Variants in POU6F2 observed in about 807,000 individuals in gnomAD.
POU6F2 encodes the protein POU class 6 homeobox 2.
In POU6F2, 31 loss-of-function variants were observed where a neutral mutation model predicts 71.3. The observed-to-expected ratio is 0.43, with a 90% confidence interval of 0.33 to 0.59. The LOEUF (loss-of-function observed/expected upper bound fraction) is 0.59. Ranked by LOEUF, POU6F2 falls within the 20% of genes least tolerant of loss-of-function variation. The pLI is 0.04. For synonymous variants in POU6F2, 347 were observed against 355.7 expected, an observed-to-expected ratio of 0.98 and a Z score of 0.27; for missense variants, 783 against 856.8, an observed-to-expected ratio of 0.91 and a Z score of 1.07.
At chr7:39,004,053 T>C (rs1372155327) in intron 1 of POU6F2, among the ~76,000 whole-genome samples, 1 of 152,164 alleles carries the variant, frequency 6.6e-6, no homozygotes, top group Non-Finnish European at 1.5e-5. Flanking sequence ...TAAACGTTTA[T>C]ATATATTTTT....
intron 4 of POU6F2, among the ~76,000 whole-genome samples, chr7:39,249,096 A>G (rs1783871098): frequency 6.6e-6 from 1 of 152,156 alleles, no homozygotes; most frequent in African/African-American, 2.4e-5. Context: ...ATGCCTCCTG[A>G]CATCTAGGCC....
chr7:39,247,943 T>C (rs1455506573), intron 4 of POU6F2, among the ~76,000 whole-genome samples: 1 of 152,216 alleles, frequency 6.6e-6, no homozygotes, highest in East Asian at 1.9e-4. Context: ...AGGTCTTTCC[T>C]GACAATCTGG....
At chr7:39,011,851 C>T (rs1229040693) in intron 1 of POU6F2, among the ~76,000 whole-genome samples, 1 of 149,860 alleles carries the variant, frequency 6.7e-6, no homozygotes, top group Admixed American at 6.6e-5. Flanking sequence ...GAATATTGGC[C>T]CCCACTCTCT....
intron 1 of POU6F2, among the ~76,000 whole-genome samples, chr7:39,010,236 C>T (rs1412556413): frequency 1.5e-5 from 2 of 135,054 alleles, no homozygotes; most frequent in African/African-American, 5.1e-5. Flanking sequence ...TCAACTTCTT[C>T]CTGGTTTAGT....
chr7:39,303,211 C>A (rs976187343), intron 4 of POU6F2, among the ~76,000 whole-genome samples: 1 of 152,098 alleles, frequency 6.6e-6, no homozygotes, highest in Non-Finnish European at 1.5e-5. Flanking sequence ...GGCTGGAGTG[C>A]GGTAGCACTC....
At chr7:39,391,931 A>G (rs1225532769) in intron 5 of POU6F2, among the ~76,000 whole-genome samples, 1 of 152,234 alleles carries the variant, frequency 6.6e-6, no homozygotes, top group Non-Finnish European at 1.5e-5. Context: ...TCCCATTCCC[A>G]GCCCAGAGGT....
chr7:39,344,547 G>A (rs1380905588), intron 5 of POU6F2, among the ~76,000 whole-genome samples: 1 of 152,236 alleles, frequency 6.6e-6, no homozygotes, highest in African/African-American at 2.4e-5. Context: ...CCAAAGCCTT[G>A]GGAAGGAGCT....
In POU6F2 at chr7:39,030,719, G is replaced by A. The variant is rs1397223787; in HGVS notation, c.105+52661G>A. On this transcript the variant is annotated intron_variant, in intron 1 of 9. Coordinates refer to ENST00000518318, the MANE Select transcript of POU6F2 (RefSeq NM_001370959.1). ...TCAACTCTTTGGGGGAAATGCCAAG[G>A]AGTGTGACTGCTGGATCATATGAGA... Among the ~76,000 whole-genome samples the A allele has an allele frequency of 3.3e-5, 5 of 150,596 alleles. No individual in the cohort carries two copies. The East Asian group carries it at 9.8e-4, about 30-fold the overall frequency.
chr7:39,416,967 A>G (rs752002839), intron 6 of POU6F2, among the ~76,000 whole-genome samples: 2 of 152,224 alleles, frequency 1.3e-5, no homozygotes, highest in Non-Finnish European at 2.9e-5. Flanking sequence ...TTTAACAAAA[A>G]GTCAGGGATG....
chr7:39,231,335 G>A (rs555221874), intron 4 of POU6F2, among the ~76,000 whole-genome samples: 1 of 152,188 alleles, frequency 6.6e-6, no homozygotes, highest in African/African-American at 2.4e-5. Flanking sequence ...TTTAAGCAGG[G>A]ATGGAATTAA....
At chr7:39,076,391 G>T (rs1791004021) in intron 1 of POU6F2, among the ~76,000 whole-genome samples, 1 of 152,176 alleles carries the variant, frequency 6.6e-6, no homozygotes. Context: ...CAGCTGTAGG[G>T]TCTAACACCT....
intron 8 of POU6F2, among the ~76,000 whole-genome samples, chr7:39,455,793 A>G (rs549554146): frequency 2.6e-5 from 4 of 152,330 alleles, no homozygotes; most frequent in Non-Finnish European, 4.4e-5. Flanking sequence ...TCAATTCAGT[A>G]TGTGCCCAGT....
intron 4 of POU6F2, among the ~76,000 whole-genome samples, chr7:39,286,105 C>T (rs1325376237): frequency 6.6e-6 from 1 of 152,082 alleles, no homozygotes; most frequent in African/African-American, 2.4e-5. Context: ...AACTTTAGCC[C>T]CAGAGAGCAA....
intron 4 of POU6F2, among the ~76,000 whole-genome samples, chr7:39,261,237 G>A (rs1035595322): frequency 2.6e-5 from 4 of 152,116 alleles, no homozygotes; most frequent in African/African-American, 9.7e-5. Context: ...GCAGGAACCT[G>A]CTCCACTGGG....
intron 1 of POU6F2, among the ~76,000 whole-genome samples, chr7:39,027,893 A>G (rs859544): frequency 0.87 from 131,754 of 152,204 alleles, 57,644 homozygotes; most frequent in East Asian, 0.95. Flanking sequence ...GTACAAGTAT[A>G]CTCAAATTTA....
chr7:38,998,218 C>A (rs547909403), intron 1 of POU6F2, among the ~76,000 whole-genome samples: 7 of 152,320 alleles, frequency 4.6e-5, no homozygotes, highest in African/African-American at 7.2e-5. Context: ...TTGCTTTACT[C>A]CTCATTGCAG....
At chr7:39,207,001 C>T (rs1286329046) in intron 3 of POU6F2, among the ~76,000 whole-genome samples, 5 of 152,108 alleles carry the variant, frequency 3.3e-5, no homozygotes, top group Admixed American at 6.5e-5. Flanking sequence ...AGTAGTATTT[C>T]GTTGCTCTTT....
At chr7:39,342,153 G>A (rs1215375204) in intron 5 of POU6F2, among the ~76,000 whole-genome samples, 1 of 151,272 alleles carries the variant, frequency 6.6e-6, no homozygotes, top group Non-Finnish European at 1.5e-5. Context: ...TGAGTGACTT[G>A]CTACAAATTT....
chr7:39,015,999 GAT>G (rs1491560237), intron 1 of POU6F2, among the ~76,000 whole-genome samples: 13 of 27,398 alleles, frequency 4.7e-4, no homozygotes, highest in South Asian at 1.5e-3. Flanking sequence ...ATAATATATA[GAT>G]ATATATTATA....
Sources: allele counts gnomAD v4.1 joint callset (sites outside exome capture counted in the v4.1 genomes callset), GRCh38; gene constraint gnomAD v4.1.1; transcripts MANE v1.5; gene names NCBI Gene and HGNC (gene_info 2026-07-23, HGNC 2026-07-21).